ERCC8: variants seen among roughly 807,000 people sequenced by gnomAD.
ERCC8 encodes the protein DNA excision repair protein ERCC-8.
A neutral mutation model predicts 54.9 loss-of-function variants in ERCC8; 52 were observed. That is an observed-to-expected ratio of 0.95 (90% CI 0.76 to 1.19). ERCC8 has a LOEUF of 1.19. Ranked by LOEUF, ERCC8 falls within the 50% of genes most tolerant of loss-of-function variation. The probability of loss-of-function intolerance (pLI) is 0.00; values close to 1 mark genes in which losing one functional copy is unlikely to be tolerated. For synonymous variants in ERCC8, 146 were observed against 157.2 expected (o/e 0.93, Z 0.53); for missense variants, 514 against 466.1 (o/e 1.10, Z -0.95).
chr5:60,920,984 T>A (rs1483998005), intron 3 of ERCC8, among the ~76,000 whole-genome samples: 1 of 151,910 alleles, frequency 6.6e-6, no homozygotes, highest in East Asian at 1.9e-4. Flanking sequence ...AGTCTCTAAG[T>A]TCTAGAGTAT....
At chr5:60,926,146 C>A (rs901614380) in intron 2 of ERCC8, among the ~76,000 whole-genome samples, 1 of 152,100 alleles carries the variant, frequency 6.6e-6, no homozygotes, top group Non-Finnish European at 1.5e-5. Flanking sequence ...AAGAATGGCA[C>A]CCAAACTACA....
chr5:60,882,688 C>T (rs942390165), intron 11 of ERCC8, among the ~76,000 whole-genome samples: 9 of 151,980 alleles, frequency 5.9e-5, no homozygotes, highest in Admixed American at 1.3e-4. Context: ...CTCCTGGGCA[C>T]GAAACTATTA....
Position 60,902,473 on chromosome 5 carries a change from G to A in ERCC8, c.586C>T (p.Pro196Ser), listed in dbSNP as rs1422829779. 1.9e-6 allele frequency: 3 copies of A among 1,612,428 alleles called. No individual in the cohort carries two copies. The African/African-American group carries it at 4.0e-5, about 22-fold the overall frequency. The part of the protein sequence containing the change: ...RQEILAVSWS[P>S]RYDYILATAS... ...GTTGCCAAGATATAGTCATAACGTG[G>A]AGACCAGGAAACTGCTAATATTTCT... The change falls in exon 7 of 12, where the codon CCA becomes TCA. Residue 196 changes from proline (P) to serine (S), a missense_variant. By Grantham distance (74) the Pro-to-Ser change is moderately conservative. Coordinates refer to ENST00000676185, the MANE Select transcript of ERCC8 (RefSeq NM_000082.4).
intron 3 of ERCC8, among the ~76,000 whole-genome samples, chr5:60,920,382 A>G (rs1158065375): frequency 1.3e-5 from 2 of 151,994 alleles, no homozygotes; most frequent in Non-Finnish European, 2.9e-5. Context: ...AACAAATAAA[A>G]GCTCACTTAT....
intron 4 of ERCC8, among the ~76,000 whole-genome samples, chr5:60,908,924 G>A (rs1188969038): frequency 6.6e-6 from 1 of 152,084 alleles, no homozygotes; most frequent in Non-Finnish European, 1.5e-5. Context: ...TTATGTGGGT[G>A]CAGGATTGTT....
chr5:60,895,078 G>C (rs1748685133), intron 9 of ERCC8, among the ~76,000 whole-genome samples: 1 of 149,760 alleles, frequency 6.7e-6, no homozygotes, highest in Non-Finnish European at 1.5e-5. Flanking sequence ...GGCTGAGAGA[G>C]AGAATTGCTT....
At chr5:60,926,120 C>T (rs1271600868) in intron 2 of ERCC8, among the ~76,000 whole-genome samples, 2 of 152,118 alleles carry the variant, frequency 1.3e-5, no homozygotes, top group African/African-American at 4.8e-5. Flanking sequence ...CCACTGCACC[C>T]GGCCTGTCAT....
chr5:60,918,581 G>C (rs149928831), intron 3 of ERCC8, 193 bp from the exon 4 acceptor site: 11 of 584,540 alleles, frequency 1.9e-5, no homozygotes, highest in African/African-American at 1.1e-4. Context: ...CCCACTGTGT[G>C]ATGTAGAGAC....
chr5:60,879,175 G>A (rs945793002), intron 11 of ERCC8, among the ~76,000 whole-genome samples: 7 of 152,178 alleles, frequency 4.6e-5, no homozygotes, highest in East Asian at 1.9e-4. Context: ...GTAGTTGAGC[G>A]GTTTTGAGTG....
In ERCC8 at chr5:60,867,600, T is replaced by C. The variant is rs1747780388; in HGVS notation, c.*7015A>G. ...TAATAACTCAGTTCTCAAAGACTTA[T>C]TAGGAATGTTCTTTGTTTTAGCATA... On this transcript the variant is annotated 3_prime_UTR_variant, in exon 12 of 12. Transcript: ENST00000676185. Among the ~76,000 whole-genome samples the C allele has an allele frequency of 6.6e-6, 1 of 152,200 alleles. No individual in the cohort carries two copies. Among genetic ancestry groups the C allele is most frequent in the South Asian group, 2.1e-4 (1 of 4,832 alleles).
At position 60,924,034 on chromosome 5, in the gene ERCC8, T is replaced by C. The variant is rs555386157; in HGVS notation, c.174-1879A>G. 9.2e-5 allele frequency among the ~76,000 whole-genome samples: 14 copies of C among 152,312 alleles called. No homozygotes were observed. The East Asian group carries it at 2.7e-3, about 29-fold the overall frequency. On this transcript the variant is annotated intron_variant, in intron 2 of 11. Coordinates refer to ENST00000676185, the MANE Select transcript of ERCC8 (RefSeq NM_000082.4). ...TTTAATGTCTTTTAACTTTAAGCTA[T>C]AGGTCTCCTCTACCTTTCTTCCTCC...
At chr5:60,883,837 G>A (rs537265392) in intron 11 of ERCC8, among the ~76,000 whole-genome samples, 6 of 151,912 alleles carry the variant, frequency 3.9e-5, no homozygotes, top group Non-Finnish European at 8.8e-5. Flanking sequence ...TAGAAAGGAG[G>A]GTCAAAAGGA....
At chr5:60,919,852 A>AT (rs1042546834) in intron 3 of ERCC8, among the ~76,000 whole-genome samples, 4 of 151,934 alleles carry the variant, frequency 2.6e-5, no homozygotes, top group African/African-American at 7.2e-5. Flanking sequence ...AGGCTGGAAC[A>AT]TTTTTTTAAA....
intron 7 of ERCC8, among the ~76,000 whole-genome samples, chr5:60,900,188 G>T (rs1423433426): frequency 6.6e-6 from 1 of 151,962 alleles, no homozygotes; most frequent in Non-Finnish European, 1.5e-5. Flanking sequence ...AACGGTAAGT[G>T]TAAGGTGAAT....
chr5:60,944,873 T>C, intron 1 of ERCC8, 59 bp downstream of exon 1: 2 of 1,231,358 alleles, frequency 1.6e-6, no homozygotes, highest in Non-Finnish European at 2.4e-6. Flanking sequence ...GGGCAAAGCT[T>C]ACAGTCATTG....
At chr5:60,876,865 G>T (rs1748027083) in intron 11 of ERCC8, among the ~76,000 whole-genome samples, 1 of 152,104 alleles carries the variant, frequency 6.6e-6, no homozygotes, top group African/African-American at 2.4e-5. Context: ...CTTTTGCTGT[G>T]CAGAAGCTCT....
intron 9 of ERCC8, among the ~76,000 whole-genome samples, chr5:60,894,743 A>C (rs1430831625): frequency 6.6e-6 from 1 of 152,142 alleles, no homozygotes; most frequent in East Asian, 1.9e-4. Flanking sequence ...GGGCTAAATA[A>C]GTTGATGGGT....
intron 2 of ERCC8, among the ~76,000 whole-genome samples, chr5:60,927,517 C>T (rs1749782578): frequency 1.3e-5 from 2 of 152,202 alleles, no homozygotes; most frequent in Non-Finnish European, 2.9e-5. Context: ...ATCTGCATTT[C>T]TCAAATATAT....
At chr5:60,901,705 G>C (rs1463857932) in intron 7 of ERCC8, among the ~76,000 whole-genome samples, 1 of 151,892 alleles carries the variant, frequency 6.6e-6, no homozygotes. Flanking sequence ...CTGGATCCTT[G>C]ATACTACCCA....
Sources: gnomAD v4.1 joint callset for allele counts (sites outside exome capture counted in the v4.1 genomes callset) on GRCh38, gnomAD v4.1.1 for gene constraint, MANE v1.5 for transcripts, NCBI Gene and HGNC (gene_info 2026-07-23, HGNC 2026-07-21) for gene names.